KHDRBS1: variants seen among roughly 807,000 people sequenced by gnomAD.
KHDRBS1 encodes KH RNA binding domain containing, signal transduction associated 1, also known as KH domain-containing, RNA-binding, signal transduction-associated protein 1.
In KHDRBS1, 7 loss-of-function variants were observed where a neutral mutation model predicts 48.4. The ratio of observed to expected loss-of-function variants is 0.14; its 90% CI spans 0.08 to 0.27. The LOEUF (loss-of-function observed/expected upper bound fraction) is 0.27. Ranked by LOEUF, KHDRBS1 falls within the 10% of genes least tolerant of loss-of-function variation. KHDRBS1 has a pLI of 1.00. For missense variants in KHDRBS1, 458 were observed against 601.2 expected (o/e 0.76, Z 2.49); for synonymous variants, 241 against 235.8 (o/e 1.02, Z -0.20).
At chr1:32,055,883 G>A (rs1303808387) in intron 10 of KHDRBS1, among the ~76,000 whole-genome samples, 3 of 152,152 alleles carry the variant, frequency 2.0e-5, no homozygotes, top group African/African-American at 4.8e-5. Context: ...TCCCAGGACT[G>A]GAGGTCTTCC....
exon 11 of KHDRBS1, chr1:32,060,674 T>G (rs1357855288): frequency 1.3e-5 from 2 of 152,194 alleles, no homozygotes; most frequent in South Asian, 4.1e-4. Context: ...GTGAGAAGAT[T>G]CAATTAATTT....
intron 7 of KHDRBS1, among the ~76,000 whole-genome samples, 173 bp from the exon 8 acceptor site, chr1:32,039,342 A>G (rs1449355045): frequency 6.6e-6 from 1 of 152,220 alleles, no homozygotes. Context: ...ATTATTTTAT[A>G]AGTACATAGT....
intron 10 of KHDRBS1, among the ~76,000 whole-genome samples, chr1:32,057,686 C>T (rs1198259627): frequency 6.6e-6 from 1 of 151,468 alleles, no homozygotes; most frequent in Non-Finnish European, 1.5e-5. Context: ...GTAGTCCCAG[C>T]TACTCGGGAG....
intron 3 of KHDRBS1, among the ~76,000 whole-genome samples, chr1:32,032,661 T>C (rs1326768130): frequency 1.3e-5 from 2 of 152,196 alleles, no homozygotes; most frequent in South Asian, 2.1e-4. Flanking sequence ...TGTGCAAGTT[T>C]AGCAGGCTGT....
At chr1:32,018,415 C>G (rs1638786763) in intron 1 of KHDRBS1, among the ~76,000 whole-genome samples, 1 of 151,762 alleles carries the variant, frequency 6.6e-6, no homozygotes, top group African/African-American at 2.4e-5. Flanking sequence ...GAGCCAAGAT[C>G]GCACCACTGC....
intron 3 of KHDRBS1, 105 bp downstream of exon 3, chr1:32,031,745 G>A: frequency 1.6e-6 from 1 of 644,180 alleles, no homozygotes; most frequent in Non-Finnish European, 2.7e-6. Context: ...TATGTGTACA[G>A]AATGTGGCTC....
chr1:32,028,659 C>T (rs1186985483), intron 1 of KHDRBS1, among the ~76,000 whole-genome samples: 5 of 151,210 alleles, frequency 3.3e-5, no homozygotes, highest in South Asian at 2.1e-4. Flanking sequence ...CCCACCGCCA[C>T]GCCCGGCTAA....
At chr1:32,021,580 T>A (rs1206506507) in intron 1 of KHDRBS1, among the ~76,000 whole-genome samples, 2 of 151,934 alleles carry the variant, frequency 1.3e-5, no homozygotes, top group African/African-American at 4.8e-5. Flanking sequence ...GTCATGTGAG[T>A]TGTTTAAGGG....
downstream of KHDRBS1, among the ~76,000 whole-genome samples, chr1:32,047,553 TAGTC>T (rs947758003): frequency 3.9e-5 from 6 of 152,302 alleles, no homozygotes; most frequent in South Asian, 2.1e-4. Context: ...TTTGTCACCT[TAGTC>T]AGAAACAAAA....
chr1:32,027,316 ATAAC>A (rs754540747), intron 1 of KHDRBS1, among the ~76,000 whole-genome samples: 57 of 152,216 alleles, frequency 3.7e-4, no homozygotes, highest in Non-Finnish European at 6.8e-4. Context: ...TGAGGATTGA[ATAAC>A]TAAGTTTTCC....
chr1:32,014,404 G>C (rs895573076), intron 1 of KHDRBS1, 27 bp downstream of exon 1: 2 of 1,310,714 alleles, frequency 1.5e-6, no homozygotes, highest in African/African-American at 3.0e-5. Context: ...TGTCCCTCTG[G>C]GTCGCCCGGC....
chr1:32,014,031 C>A lies in KHDRBS1; in HGVS notation c.36C>A (p.Ser12Arg). Residue 12 changes from serine (S) to arginine (R), a missense_variant, in exon 1 of 9, where the codon AGC becomes AGA. By Grantham distance (110) the Ser-to-Arg change is moderately radical (BLOSUM62 -1). Transcript: ENST00000327300. ...QRRDDPAARM[S>R]RSSGRSGSMD... Reference sequence around the variant, plus strand: ...GGGACGACCCCGCCGCGCGCATGAGCCGGTCTTCGGGCCGTAGCGGCTCCA... The same window carrying A: ...GGGACGACCCCGCCGCGCGCATGAGACGGTCTTCGGGCCGTAGCGGCTCCA... 1 of 1,527,150 alleles carries A rather than the reference C, an allele frequency of 6.5e-7. No homozygotes were observed. The highest frequency in any genetic ancestry group is 8.7e-7 in the Non-Finnish European group (1 of 1,148,658). The allele number at this position is 1,527,150 out of a possible 1,614,324, so 94.6% of individuals were successfully genotyped here.
chr1:32,031,803 C>T (rs1256543650), intron 3 of KHDRBS1, among the ~76,000 whole-genome samples, 163 bp downstream of exon 3: 4 of 152,134 alleles, frequency 2.6e-5, no homozygotes, highest in Non-Finnish European at 5.9e-5. Flanking sequence ...AGTTAATTTA[C>T]TTGGCTTGGC....
chr1:32,045,201 T>G (rs1639343798), downstream of KHDRBS1: 1 of 152,656 alleles, frequency 6.6e-6, no homozygotes, highest in South Asian at 2.1e-4. Flanking sequence ...AAACTTTACT[T>G]AAAATTTCTT....
intron 3 of KHDRBS1, among the ~76,000 whole-genome samples, chr1:32,032,532 G>A (rs774061498): frequency 6.6e-6 from 1 of 151,696 alleles, no homozygotes; most frequent in Non-Finnish European, 1.5e-5. Context: ...ACAAATGCTT[G>A]GCAAACAGCT....
rs775296903 is a variant in KHDRBS1, at chr1:32,030,315, A to C, written c.400A>C (p.Lys134Gln). 5.0e-6 allele frequency: 8 copies of C among 1,606,660 alleles called. 1 individual carries two copies. The South Asian group carries it at 7.9e-5, about 16-fold the overall frequency. Residue 134 changes from lysine (K) to glutamine (Q), a missense_variant, in exon 2 of 9, where the codon AAA becomes CAA. By Grantham distance (53) the Lys-to-Gln change is moderately conservative. This residue lies in a region of KHDRBS1 where 213 missense variants were observed against 215.6 expected (regional missense o/e 0.99). Coordinates refer to ENST00000327300, the MANE Select transcript of KHDRBS1 (RefSeq NM_006559.3). ...CTATTCAGAAATTGAGAAGATTCAG[A>C]AAGGAGACTCAAAAAAGGATGATGA... ...LLTAEIEKIQ[K>Q]GDSKKDDEEN...
intron 1 of KHDRBS1, among the ~76,000 whole-genome samples, chr1:32,021,949 C>T (rs760600969): frequency 7.5e-4 from 111 of 148,194 alleles, no homozygotes; most frequent in Non-Finnish European, 1.4e-3. Flanking sequence ...CCACACCCAG[C>T]GGCACATTTC....
At chr1:32,031,780 A>C in intron 3 of KHDRBS1, 140 bp downstream of exon 3, 1 of 513,792 alleles carries the variant, frequency 1.9e-6, no homozygotes, top group Non-Finnish European at 3.5e-6. Flanking sequence ...TGGATGCAAG[A>C]GATTATACAC....
At chr1:32,050,930 A>C (rs1272086128) in intron 10 of KHDRBS1, among the ~76,000 whole-genome samples, 1 of 150,324 alleles carries the variant, frequency 6.7e-6, no homozygotes, top group African/African-American at 2.4e-5. Flanking sequence ...TCACTCTGTC[A>C]CCCAGGCTGG....
Sources: gnomAD v4.1 joint callset for allele counts (sites outside exome capture counted in the v4.1 genomes callset) on GRCh38, gnomAD v4.1.1 for gene constraint, gnomAD v4.1.1 regional missense constraint, MANE v1.5 for transcripts, NCBI Gene and HGNC (gene_info 2026-07-23, HGNC 2026-07-21) for gene names.